CYP7A1: variants seen among roughly 807,000 people sequenced by gnomAD.
The protein encoded by CYP7A1 is cytochrome P450 family 7 subfamily A member 1.
A neutral mutation model predicts 43.8 loss-of-function variants in CYP7A1; 28 were observed. That is an observed-to-expected ratio of 0.64 (90% CI 0.47 to 0.88). CYP7A1 has a LOEUF of 0.88. Among genes scored for constraint, CYP7A1 ranks in the 40% least tolerant of loss-of-function variants. The probability of loss-of-function intolerance (pLI) is 0.00; values close to 1 mark genes in which losing one functional copy is unlikely to be tolerated. For synonymous variants in CYP7A1, 227 were observed against 222.5 expected (o/e 1.02, Z -0.18); for missense variants, 637 against 611.9 (o/e 1.04, Z -0.43).
intron 3 of CYP7A1, among the ~76,000 whole-genome samples, chr8:58,495,215 T>TTCTATTTATTTTATTTATTTA (rs369276545): frequency 2.1e-5 from 3 of 143,404 alleles, no homozygotes; most frequent in African/African-American, 7.9e-5. Context: ...TTTATTTTAT[T>TTCTATTTATTTTATTTATTTA]TTTATTTATT....
In CYP7A1 at chr8:58,500,104, A is replaced by C. The variant is rs1294117822; in HGVS notation, c.-6T>G. ...ATCAAAGATGTGGTCATCATTTTGCAAATCTAGGCCAAAATCTCTGAGGAA... is the reference window on the plus strand; with the variant it reads ...ATCAAAGATGTGGTCATCATTTTGCCAATCTAGGCCAAAATCTCTGAGGAA... On this transcript the variant is annotated 5_prime_UTR_variant, in exon 1 of 6. Transcript: ENST00000301645. 6.2e-7 allele frequency: 1 copy of C among 1,611,098 alleles called. No homozygotes were observed. The highest frequency in any genetic ancestry group is 2.2e-5 in the East Asian group (1 of 44,774).
At chr8:58,494,907 G>A (rs574871082) in intron 3 of CYP7A1, among the ~76,000 whole-genome samples, 391 of 152,164 alleles carry the variant, frequency 2.6e-3, no homozygotes, top group Non-Finnish European at 4.0e-3. Context: ...AGGCCGAGGC[G>A]GGCGGATCAT....
At chr8:58,495,046 A>C (rs35461847) in intron 3 of CYP7A1, among the ~76,000 whole-genome samples, 80,075 of 150,242 alleles carry the variant, frequency 0.53, 21,968 homozygotes, top group Admixed American at 0.65. Context: ...AGGCAGGAGA[A>C]TTGCTTGAGC....
Position 58,492,467 on chromosome 8 carries a change from C to G in CYP7A1, c.1101G>C (p.Lys367Asn). The change falls in exon 5 of 6, where the codon AAG becomes AAC. Residue 367 changes from lysine (K) to asparagine (N), a missense_variant. Lys to Asn is a moderately conservative substitution (Grantham distance 94, BLOSUM62 0). Coordinates refer to ENST00000301645, the MANE Select transcript of CYP7A1 (RefSeq NM_000780.4). ...CCTCAAGGTGCAAAGTGAAATCCTCCTTAGCTGTCCGGATGTTGAGGGAGG... is the reference window on the plus strand; with the variant it reads ...CCTCAAGGTGCAAAGTGAAATCCTCGTTAGCTGTCCGGATGTTGAGGGAGG... Reference protein sequence around the residue: ...SSASLNIRTAKEDFTLHLEDG... With the variant: ...SSASLNIRTANEDFTLHLEDG... 1 of 1,614,074 alleles carries G rather than the reference C, an allele frequency of 6.2e-7. No individual in the cohort carries two copies. Among genetic ancestry groups the G allele is most frequent in the Non-Finnish European group, 8.5e-7 (1 of 1,179,962 alleles).
chr8:58,493,739 C>T (rs1372991982), intron 4 of CYP7A1, among the ~76,000 whole-genome samples: 1 of 152,200 alleles, frequency 6.6e-6, no homozygotes, highest in Non-Finnish European at 1.5e-5. Context: ...GTGGCTCATG[C>T]CTGTAATCCC....
Position 58,494,564 on chromosome 8 carries a change from G to A in CYP7A1, c.981C>T (p.Ser327=), listed in dbSNP as rs770390003. 2 of 1,614,012 alleles carry A rather than the reference G, an allele frequency of 1.2e-6. No individual in the cohort carries two copies. The highest frequency in any genetic ancestry group is 1.7e-6 in the Non-Finnish European group (2 of 1,179,944). ...RTLENAGQKV[S]LEGNPICLSQ... ...TCAAACAAATAGGATTGCCTTCCAA[G>A]CTGACTTTTTGACCAGCATTCTCTA... The change falls in exon 4 of 6, where the codon AGC becomes AGT. Residue 327 remains serine, a synonymous_variant. Transcript: ENST00000301645.
Position 58,498,216 on chromosome 8 carries a change from T to TA in CYP7A1, c.321+12dup, listed in dbSNP as rs1331264451. On this transcript the variant is annotated intron_variant, in intron 2 of 5. Coordinates refer to ENST00000301645, the MANE Select transcript of CYP7A1 (RefSeq NM_000780.4). ...AGACAAACAGAATGGTATATAAATGTAAAACTGCTTACCTTCGCAGAAGTA... is the reference window on the plus strand; with the variant it reads ...AGACAAACAGAATGGTATATAAATGTAAAAACTGCTTACCTTCGCAGAAGTA... The TA allele has an allele frequency of 3.5e-5, 56 of 1,613,690 alleles. No individual in the cohort carries two copies. Among genetic ancestry groups the TA allele is most frequent in the Non-Finnish European group, 4.5e-5 (53 of 1,179,874 alleles).
rs1809346020 is a variant in CYP7A1 at position 58,491,237 on chromosome 8, A to G, written c.*238T>C. 1 of 552,574 alleles carries G rather than the reference A, an allele frequency of 1.8e-6. No homozygotes were observed. The highest frequency in any genetic ancestry group is 3.2e-6 in the Non-Finnish European group (1 of 310,330). 34.2% of individuals were successfully genotyped at this position (552,574 alleles called of 1,614,324 possible). ...TATATGAACATTCATGGACTTATAC[A>G]AATGAAAACAAATTATTGTGCTCCT... is the stretch of plus-strand genomic sequence containing the variant. On this transcript the variant is annotated 3_prime_UTR_variant, in exon 6 of 6. Transcript: ENST00000301645.
chr8:58,490,388 C>A lies in CYP7A1; in HGVS notation c.*1087G>T. On this transcript the variant is annotated 3_prime_UTR_variant, in exon 6 of 6. Transcript: ENST00000301645. ...ACACAGCATTTAAACACTCGAGTCA[C>A]CTTAGTTTTTTTCATCTGCAAGTCA... 6.6e-6 allele frequency: 1 copy of A among 152,054 alleles called. No homozygotes were observed. The highest frequency in any genetic ancestry group is 1.5e-5 in the Non-Finnish European group (1 of 67,998). The allele number at this position is 152,054 out of a possible 1,614,324, so 9.4% of individuals were successfully genotyped here. A position where few individuals can be genotyped will look rare whatever the true frequency, so the allele number is the denominator to read the frequency against.
In CYP7A1 at chr8:58,497,108, C is replaced by T. The variant is rs781119853; in HGVS notation, c.404G>A (p.Gly135Asp). The T allele has an allele frequency of 2.5e-6, 4 of 1,600,224 alleles. No homozygotes were observed. Among genetic ancestry groups the T allele is most frequent in the East Asian group, 4.5e-5 (2 of 44,884 alleles). ...INDTFIKTLQ[G>D]HALNSLTESM... ...TTCCGTGAGGGAATTCAAGGCATGG[C>T]CCTGCAGGGTTTTGATGAAAGTGTC... Residue 135 changes from glycine (G) to aspartate (D), a missense_variant, in exon 3 of 6, where the codon GGC becomes GAC. Gly to Asp is a moderately conservative substitution (Grantham distance 94, BLOSUM62 -1). Coordinates refer to ENST00000301645, the MANE Select transcript of CYP7A1 (RefSeq NM_000780.4).
chr8:58,497,342 T>C (rs1809461747), intron 2 of CYP7A1, 152 bp from the exon 3 acceptor site: 1 of 718,676 alleles, frequency 1.4e-6, no homozygotes, highest in East Asian at 2.7e-5. Context: ...ACTTTACAAA[T>C]AAATGACCAA....
intron 3 of CYP7A1, among the ~76,000 whole-genome samples, chr8:58,496,011 G>A (rs1026109923): frequency 6.6e-6 from 1 of 152,134 alleles, no homozygotes; most frequent in Non-Finnish European, 1.5e-5. Flanking sequence ...TGTTATTACA[G>A]TTTTTTTCTG....
In CYP7A1 at chr8:58,494,582, A is replaced by C. The variant is rs1809409296; in HGVS notation, c.963T>G (p.Asn321Lys). 1.2e-6 allele frequency: 2 copies of C among 1,614,016 alleles called. No individual in the cohort carries two copies. The highest frequency in any genetic ancestry group is 2.7e-5 in the African/African-American group (2 of 74,948). Residue 321 changes from asparagine (N) to lysine (K), a missense_variant, in exon 4 of 6, where the codon AAT becomes AAG. By Grantham distance (94) the Asn-to-Lys change is moderately conservative. Coordinates refer to ENST00000301645, the MANE Select transcript of CYP7A1 (RefSeq NM_000780.4). ...CTTCCAAGCTGACTTTTTGACCAGCATTCTCTAATGTTCTTTTCACTTCTT... is the reference window on the plus strand; with the variant it reads ...CTTCCAAGCTGACTTTTTGACCAGCCTTCTCTAATGTTCTTTTCACTTCTT... ...ATEEVKRTLE[N>K]AGQKVSLEGN...
chr8:58,492,189 G>A (rs140910170), intron 5 of CYP7A1, among the ~76,000 whole-genome samples, 164 bp downstream of exon 5: 33 of 152,234 alleles, frequency 2.2e-4, no homozygotes, highest in African/African-American at 7.2e-4. Flanking sequence ...GAAAAATTCA[G>A]ACCACTATCT....
chr8:58,498,267 A>T lies in CYP7A1; in HGVS notation c.283T>A (p.Phe95Ile). 6.2e-7 allele frequency: 1 copy of T among 1,614,182 alleles called. No individual in the cohort carries two copies. The highest frequency in any genetic ancestry group is 8.5e-7 in the Non-Finnish European group (1 of 1,180,010). The change falls in exon 2 of 6, where the codon TTT becomes ATT. Residue 95 changes from phenylalanine to isoleucine, a missense_variant. Phe to Ile is a conservative substitution (Grantham distance 21). Transcript: ENST00000301645. Reference sequence around the variant, plus strand: ...GCAAAGTGAAATTTTTTCCAATCAAAATATTTTCCGTGGCACAACACCTTA... The same window carrying T: ...GCAAAGTGAAATTTTTTCCAATCAATATATTTTCCGTGGCACAACACCTTA... ...YHKVLCHGKY[F>I]DWKKFHFATS...
At chr8:58,494,765 A>T in intron 3 of CYP7A1, 129 bp from the exon 4 acceptor site, 1 of 838,460 alleles carries the variant, frequency 1.2e-6, no homozygotes, top group South Asian at 1.5e-5. Context: ...GAGGAGGGAA[A>T]GGGATATTCC....
In CYP7A1 at chr8:58,492,456, G is replaced by A. The variant is rs2129605783; in HGVS notation, c.1112C>T (p.Thr371Ile). ...GTAGGAACCGTCCTCAAGGTGCAAA[G>A]TGAAATCCTCCTTAGCTGTCCGGAT... is the stretch of plus-strand genomic sequence containing the variant. ...LNIRTAKEDF[T>I]LHLEDGSYNI... is the part of the protein sequence containing the mutation. The change falls in exon 5 of 6, where the codon ACT becomes ATT. Residue 371 changes from threonine to isoleucine, a missense_variant. Coordinates refer to ENST00000301645, the MANE Select transcript of CYP7A1 (RefSeq NM_000780.4). The A allele has an allele frequency of 1.2e-6, 2 of 1,614,072 alleles. No individual in the cohort carries two copies. The highest frequency in any genetic ancestry group is 1.1e-5 in the South Asian group (1 of 91,090).
intron 2 of CYP7A1, among the ~76,000 whole-genome samples, chr8:58,497,404 A>G (rs1809462796): frequency 6.6e-6 from 1 of 152,222 alleles, no homozygotes. Context: ...TGGATCACTC[A>G]AGTCATCTAT....
chr8:58,491,005 A>G lies in CYP7A1; in HGVS notation c.*470T>C, dbSNP rs904165019. 5 of 155,774 alleles carry G rather than the reference A, an allele frequency of 3.2e-5. No homozygotes were observed. The highest frequency in any genetic ancestry group is 1.2e-4 in the African/African-American group (5 of 41,520). The allele number at this position is 155,774 out of a possible 1,614,324, so 9.6% of individuals were successfully genotyped here. ...AAAAACAATCTGCCAATTAGAATACATATCTTTTCTTCGGAGACGGGATCT... is the reference window on the plus strand; with the variant it reads ...AAAAACAATCTGCCAATTAGAATACGTATCTTTTCTTCGGAGACGGGATCT... On this transcript the variant is annotated 3_prime_UTR_variant, in exon 6 of 6. Transcript: ENST00000301645.
Sources: gnomAD v4.1 joint callset for allele counts (sites outside exome capture counted in the v4.1 genomes callset) on GRCh38, gnomAD v4.1.1 for gene constraint, MANE v1.5 for transcripts, NCBI Gene and HGNC (gene_info 2026-07-23, HGNC 2026-07-21) for gene names.